The following BBS9 variants were observed in gnomAD, a reference collection of about 807,000 sequenced individuals.
BBS9 encodes the protein protein PTHB1.
A neutral mutation model predicts 117.7 loss-of-function variants in BBS9; 89 were observed. The ratio of observed to expected loss-of-function variants is 0.76; its 90% CI spans 0.64 to 0.90. The LOEUF (loss-of-function observed/expected upper bound fraction) is 0.90, where lower values mean the gene tolerates loss of function less well. Among genes scored for constraint, BBS9 ranks in the 40% least tolerant of loss-of-function variants. The pLI, the probability that BBS9 is intolerant of heterozygous loss-of-function variation, is 0.00. For synonymous variants in BBS9, 379 were observed against 370.9 expected, an observed-to-expected ratio of 1.02 and a Z score of -0.25; for missense variants, 982 against 1,042.2, an observed-to-expected ratio of 0.94 and a Z score of 0.80.
At chr7:33,577,191 T>C (rs1859050446) in intron 21 of BBS9, among the ~76,000 whole-genome samples, 1 of 152,008 alleles carries the variant, frequency 6.6e-6, no homozygotes, top group African/African-American at 2.4e-5. Flanking sequence ...TACAAAGAAC[T>C]TAAACAAATT....
intron 20 of BBS9, among the ~76,000 whole-genome samples, chr7:33,525,096 G>C (rs923121943): frequency 1.1e-4 from 17 of 152,130 alleles, no homozygotes; most frequent in African/African-American, 4.1e-4. Flanking sequence ...TAGTTTGATT[G>C]CACTGTGGTC....
chr7:33,321,953 A>G lies in BBS9; in HGVS notation c.1017-14488A>G, dbSNP rs563273062. On this transcript the variant is annotated intron_variant, in intron 9 of 22. Coordinates refer to ENST00000242067, the MANE Select transcript of BBS9 (RefSeq NM_198428.3). ...GAAAGGATGTTGAATTTTATCAAAT[A>G]CTTTTTTCAGCATCAATCGAAATGA... Among the ~76,000 whole-genome samples, 18 of 151,932 alleles carry G rather than the reference A, an allele frequency of 1.2e-4. No homozygotes were observed. The South Asian group carries it at 3.5e-3, about 30-fold the overall frequency.
chr7:33,557,968 C>T (rs955102225), intron 21 of BBS9, among the ~76,000 whole-genome samples: 3 of 152,156 alleles, frequency 2.0e-5, no homozygotes, highest in Non-Finnish European at 2.9e-5. Flanking sequence ...TAGTAGCTTA[C>T]GTAGAGCCCT....
intron 19 of BBS9, among the ~76,000 whole-genome samples, chr7:33,437,844 C>T (rs970016164): frequency 6.6e-6 from 1 of 152,156 alleles, no homozygotes; most frequent in African/African-American, 2.4e-5. Flanking sequence ...CCACTGCACT[C>T]CAGCCTGGGC....
chr7:33,562,822 G>C (rs1256335536), intron 21 of BBS9, among the ~76,000 whole-genome samples: 1 of 152,154 alleles, frequency 6.6e-6, no homozygotes, highest in Non-Finnish European at 1.5e-5. Context: ...TACTCGGGAA[G>C]CTGAGGCAGA....
chr7:33,344,272 G>A (rs769211412), intron 11 of BBS9, among the ~76,000 whole-genome samples: 12 of 151,028 alleles, frequency 7.9e-5, no homozygotes, highest in Non-Finnish European at 1.3e-4. Context: ...TAGTAGAGAC[G>A]GGGTTTCACG....
chr7:33,294,297 CT>C (rs955911537), intron 9 of BBS9, among the ~76,000 whole-genome samples: 3 of 24,380 alleles, frequency 1.2e-4, no homozygotes. Flanking sequence ...TATCATCTAT[CT>C]ATCTATCTAT....
intron 19 of BBS9, among the ~76,000 whole-genome samples, chr7:33,431,835 C>G (rs1002694334): frequency 1.3e-5 from 2 of 152,194 alleles, no homozygotes; most frequent in Non-Finnish European, 2.9e-5. Context: ...CGACATAATA[C>G]ACCATGAATG....
intron 21 of BBS9, among the ~76,000 whole-genome samples, chr7:33,572,349 A>G (rs915883783): frequency 2.6e-5 from 4 of 152,138 alleles, no homozygotes; most frequent in Non-Finnish European, 4.4e-5. Flanking sequence ...TCGTTGATGG[A>G]CACTTAAGTT....
intron 4 of BBS9, among the ~76,000 whole-genome samples, chr7:33,177,104 T>C (rs967770996): frequency 2.0e-5 from 3 of 152,172 alleles, no homozygotes; most frequent in Non-Finnish European, 2.9e-5. Context: ...TTAGACACTT[T>C]GAGTCATTTC....
At chr7:33,372,662 C>A (rs942949119) in intron 17 of BBS9, among the ~76,000 whole-genome samples, 1 of 152,018 alleles carries the variant, frequency 6.6e-6, no homozygotes, top group East Asian at 1.9e-4. Flanking sequence ...ATAATGTTGG[C>A]CTCATAGATT....
intron 21 of BBS9, among the ~76,000 whole-genome samples, chr7:33,593,351 T>C (rs1192051031): frequency 6.6e-6 from 1 of 152,124 alleles, no homozygotes; most frequent in African/African-American, 2.4e-5. Context: ...CTTGTTAACA[T>C]GTGTAAAAAC....
At chr7:33,635,026 C>T (rs549623461) in intron 21 of BBS9, among the ~76,000 whole-genome samples, 5 of 152,280 alleles carry the variant, frequency 3.3e-5, no homozygotes, top group Middle Eastern at 3.4e-3. Context: ...TCGAAACCAT[C>T]GGTACCCAGT....
intron 19 of BBS9, among the ~76,000 whole-genome samples, chr7:33,486,196 A>G (rs1397863815): frequency 2.0e-5 from 3 of 151,992 alleles, no homozygotes; most frequent in African/African-American, 4.8e-5. Context: ...GGCTAAATTC[A>G]TTTTTCAGCT....
At chr7:33,552,108 G>C (rs926161674) in intron 21 of BBS9, among the ~76,000 whole-genome samples, 1 of 152,006 alleles carries the variant, frequency 6.6e-6, no homozygotes, top group Non-Finnish European at 1.5e-5. Context: ...TGACATAAAA[G>C]AATTTTCATA....
intron 19 of BBS9, among the ~76,000 whole-genome samples, chr7:33,481,012 G>GA (rs1422318527): frequency 6.6e-6 from 1 of 152,136 alleles, no homozygotes; most frequent in Non-Finnish European, 1.5e-5. Context: ...CAGCCATGTG[G>GA]AACTGTGAGT....
chr7:33,527,122 C>T (rs7805518), intron 20 of BBS9, among the ~76,000 whole-genome samples: 12,296 of 150,866 alleles, frequency 0.082, 1,007 homozygotes, highest in African/African-American at 0.22. Flanking sequence ...TCTCCAGCTG[C>T]GTACTGGGAG....
At chr7:33,504,724 C>T (rs928230514) in intron 19 of BBS9, among the ~76,000 whole-genome samples, 1 of 151,884 alleles carries the variant, frequency 6.6e-6, no homozygotes, top group Non-Finnish European at 1.5e-5. Flanking sequence ...ATGTTTCATC[C>T]AATTGTTGCT....
chr7:33,209,474 C>G (rs573864715), intron 5 of BBS9, among the ~76,000 whole-genome samples: 61 of 152,120 alleles, frequency 4.0e-4, no homozygotes, highest in Admixed American at 2.6e-4. Context: ...AGTGGGATTG[C>G]TGGGTCATAT....
Sources: allele counts gnomAD v4.1 joint callset (sites outside exome capture counted in the v4.1 genomes callset), GRCh38; gene constraint gnomAD v4.1.1; transcripts MANE v1.5; gene names NCBI Gene and HGNC (gene_info 2026-07-23, HGNC 2026-07-21).